PSD3: variants seen among roughly 807,000 people sequenced by gnomAD.
PSD3 encodes the protein pleckstrin and Sec7 domain containing 3.
Under a neutral mutation model 105.5 loss-of-function variants are expected in PSD3, and 49 were observed. The ratio of observed to expected loss-of-function variants is 0.46; its 90% CI spans 0.37 to 0.59. PSD3 has a LOEUF of 0.59. Among genes scored for constraint, PSD3 ranks in the 20% least tolerant of loss-of-function variants. The pLI is 0.00. For missense variants in PSD3, 1,561 were observed against 1,263.8 expected (o/e 1.24, Z -3.57); for synonymous variants, 557 against 457.8 (o/e 1.22, Z -2.77).
intron 4 of PSD3, among the ~76,000 whole-genome samples, chr8:18,828,140 G>A (rs1813383408): frequency 6.7e-6 from 1 of 148,742 alleles, no homozygotes; most frequent in Admixed American, 6.8e-5. Context: ...GTTGCAGGCA[G>A]CAGAGCTACA....
intron 9 of PSD3, among the ~76,000 whole-genome samples, chr8:18,763,467 T>A (rs1806712613): frequency 6.6e-6 from 1 of 152,136 alleles, no homozygotes; most frequent in Non-Finnish European, 1.5e-5. Flanking sequence ...TATGTAACAA[T>A]ATTTTCCCCC....
At chr8:18,721,256 A>T (rs79127031) in intron 9 of PSD3, 280 of 144,118 alleles carry the variant, frequency 1.9e-3, no homozygotes, top group African/African-American at 6.7e-3. Context: ...TTATTTCATT[A>T]AAAAAAAAAA....
chr8:18,824,852 C>T (rs1207258672), intron 4 of PSD3, among the ~76,000 whole-genome samples: 4 of 152,098 alleles, frequency 2.6e-5, no homozygotes, highest in Non-Finnish European at 5.9e-5. Flanking sequence ...AGGGCATACA[C>T]GAGTCCAGCA....
chr8:18,643,668 G>C (rs1188013940), intron 10 of PSD3, among the ~76,000 whole-genome samples: 1 of 152,230 alleles, frequency 6.6e-6, no homozygotes, highest in East Asian at 1.9e-4. Flanking sequence ...TAAAGCTGGA[G>C]AATAGTTTCC....
chr8:19,076,309 T>C (rs548089828), intron 1 of PSD3, among the ~76,000 whole-genome samples: 1 of 152,182 alleles, frequency 6.6e-6, no homozygotes, highest in Admixed American at 6.5e-5. Context: ...TGCCTTGCAA[T>C]AGAAACAAAT....
chr8:18,983,874 T>C (rs1825364972), intron 1 of PSD3, among the ~76,000 whole-genome samples: 1 of 151,764 alleles, frequency 6.6e-6, no homozygotes, highest in African/African-American at 2.4e-5. Flanking sequence ...TATGGTGGCA[T>C]GTGCTGTAGT....
chr8:18,668,264 T>C (rs566117054), intron 9 of PSD3, among the ~76,000 whole-genome samples: 17 of 152,352 alleles, frequency 1.1e-4, no homozygotes, highest in African/African-American at 4.1e-4. Flanking sequence ...TTAGAAATTG[T>C]AAGGAGGAAA....
intron 1 of PSD3, among the ~76,000 whole-genome samples, chr8:18,939,718 C>G (rs4921619): frequency 6.6e-6 from 1 of 151,918 alleles, no homozygotes; most frequent in Non-Finnish European, 1.5e-5. Flanking sequence ...TTAAAATGCA[C>G]TATTCTGACA....
At chr8:19,084,141 A>G (rs1829732118) in intron 1 of PSD3, 1 of 383,962 alleles carries the variant, frequency 2.6e-6, no homozygotes, top group Non-Finnish European at 5.3e-6. Context: ...ATTGGAGGCC[A>G]GGGTGGCACG....
chr8:18,536,106 T>A, intron 15 of PSD3, 148 bp from the exon 16 acceptor site: 1 of 715,584 alleles, frequency 1.4e-6, no homozygotes, highest in Non-Finnish European at 2.4e-6. Flanking sequence ...CTTGGGCACT[T>A]ACTGGGCACA....
intron 9 of PSD3, among the ~76,000 whole-genome samples, chr8:18,745,040 T>G (rs894559240): frequency 4.6e-5 from 7 of 152,232 alleles, no homozygotes; most frequent in African/African-American, 1.7e-4. Context: ...TGATGTTATC[T>G]TCTCCTTTAG....
intron 8 of PSD3, among the ~76,000 whole-genome samples, chr8:18,796,782 AC>A (rs1289799995): frequency 6.6e-6 from 1 of 152,182 alleles, no homozygotes; most frequent in Admixed American, 6.5e-5. Context: ...TTATGACACA[AC>A]GGTAAGGAAA....
intron 9 of PSD3, among the ~76,000 whole-genome samples, chr8:18,676,183 A>C (rs558300374): frequency 1.3e-5 from 2 of 152,274 alleles, no homozygotes; most frequent in East Asian, 3.9e-4. Flanking sequence ...GCTTGCCAGG[A>C]ATGACAGCAT....
chr8:18,634,269 T>C (rs1362684201), intron 10 of PSD3, among the ~76,000 whole-genome samples: 3 of 152,028 alleles, frequency 2.0e-5, no homozygotes, highest in African/African-American at 7.2e-5. Context: ...GCCTTTTTTT[T>C]CTCTTTTGGT....
intron 9 of PSD3, among the ~76,000 whole-genome samples, chr8:18,712,315 CA>C (rs200087586): frequency 9.3e-4 from 115 of 123,574 alleles, no homozygotes; most frequent in Non-Finnish European, 1.1e-3. Context: ...AAAATCCTTC[CA>C]AAAAAAAAAA....
At chr8:18,913,821 G>A (rs896928442) in intron 2 of PSD3, among the ~76,000 whole-genome samples, 2 of 151,468 alleles carry the variant, frequency 1.3e-5, no homozygotes, top group African/African-American at 4.9e-5. Flanking sequence ...TACAGACTCA[G>A]GCTTTAAGCA....
intron 6 of PSD3, 128 bp from the exon 7 acceptor site, chr8:18,801,510 T>C: frequency 1.8e-6 from 1 of 556,310 alleles, no homozygotes; most frequent in African/African-American, 2.0e-5. Context: ...TGAAGTTATC[T>C]CCCCCCAAAA....
chr8:18,655,168 A>C (rs1186819204), intron 10 of PSD3, among the ~76,000 whole-genome samples: 1 of 132,954 alleles, frequency 7.5e-6, no homozygotes, highest in East Asian at 2.4e-4. Flanking sequence ...CTAAAAATGC[A>C]AAAAAAAAAA....
intron 9 of PSD3, among the ~76,000 whole-genome samples, chr8:18,682,405 C>T (rs1354085121): frequency 6.6e-6 from 1 of 152,152 alleles, no homozygotes; most frequent in Non-Finnish European, 1.5e-5. Context: ...ATATGATAAA[C>T]CATTCTGGTC....
Sources: gnomAD v4.1 joint callset for allele counts (sites outside exome capture counted in the v4.1 genomes callset) on GRCh38, gnomAD v4.1.1 for gene constraint, MANE v1.5 for transcripts, NCBI Gene and HGNC (gene_info 2026-07-23, HGNC 2026-07-21) for gene names.